Variants in ZNF761 observed in about 807,000 individuals in gnomAD.
ZNF761 encodes the protein zinc finger protein 761.
A neutral mutation model predicts 59.9 loss-of-function variants in ZNF761; 43 were observed. That is an observed-to-expected ratio of 0.72 (90% CI 0.56 to 0.92). ZNF761 has a LOEUF of 0.92. Among genes scored for constraint, ZNF761 ranks in the 40% least tolerant of loss-of-function variants. ZNF761 has a pLI of 0.00. For missense variants in ZNF761, 850 were observed against 906.1 expected, an observed-to-expected ratio of 0.94 and a Z score of 0.79; for synonymous variants, 294 against 304.8, an observed-to-expected ratio of 0.96 and a Z score of 0.37.
intron 1 of ZNF761, chr19:53,444,886 CTT>C (rs58041578): frequency 0.35 from 53,276 of 151,922 alleles, 10,980 homozygotes; most frequent in South Asian, 0.63. Flanking sequence ...TTCCAAGACT[CTT>C]TATATTATGT....
At chr19:53,450,039 T>C (rs558299531) in intron 4 of ZNF761, 27 of 423,456 alleles carry the variant, frequency 6.4e-5, no homozygotes, top group Admixed American at 1.6e-4. Flanking sequence ...GCTTGGTGGC[T>C]CACGCCTGTA....
rs1426760869 is a variant in ZNF761 at position 53,456,209 on chromosome 19, C to T, written c.1702C>T (p.His568Tyr). Residue 568 changes from histidine to tyrosine, a missense_variant, in exon 5 of 5, where the codon CAT becomes TAT. His to Tyr is a moderately conservative substitution (Grantham distance 83). Coordinates refer to ENST00000684525, the MANE Select transcript of ZNF761 (RefSeq NM_001289951.2). ...TFNQQLTLKR[H>Y]RRLHSGENPY... is the part of the protein sequence containing the mutation. ...CAATCAGCAGTTAACCCTTAAACGC[C>T]ATCGTAGACTTCATAGTGGAGAGAA... The T allele has an allele frequency of 1.2e-6, 2 of 1,613,854 alleles. No homozygotes were observed. Among genetic ancestry groups the T allele is most frequent in the Non-Finnish European group, 1.7e-6 (2 of 1,179,972 alleles).
chr19:53,444,827 T>A (rs757000614), intron 1 of ZNF761, among the ~76,000 whole-genome samples: 5 of 152,302 alleles, frequency 3.3e-5, no homozygotes, highest in Non-Finnish European at 5.9e-5. Flanking sequence ...GGCACAGAGC[T>A]GGGTGTTCCA....
intron 4 of ZNF761, among the ~76,000 whole-genome samples, chr19:53,453,636 G>A (rs1161686882): frequency 1.3e-5 from 2 of 152,186 alleles, no homozygotes; most frequent in Non-Finnish European, 2.9e-5. Context: ...AGGACTTTGA[G>A]AGGTTGAGGC....
intron 3 of ZNF761, among the ~76,000 whole-genome samples, 159 bp from the exon 4 acceptor site, chr19:53,449,351 AAC>A (rs1396567100): frequency 2.6e-5 from 4 of 152,064 alleles, no homozygotes; most frequent in South Asian, 2.1e-4. Flanking sequence ...ATTTTAGTAA[AAC>A]ACAACTGGGA....
Position 53,457,850 on chromosome 19 carries a change from T to C in ZNF761, c.*1102T>C, listed in dbSNP as rs1248600472. The C allele has an allele frequency of 6.5e-6, 1 of 153,584 alleles. No individual in the cohort carries two copies. Among genetic ancestry groups the C allele is most frequent in the African/African-American group, 2.4e-5 (1 of 41,464 alleles). The allele number at this position is 153,584 out of a possible 1,614,324, so 9.5% of individuals were successfully genotyped here. On this transcript the variant is annotated 3_prime_UTR_variant, in exon 5 of 5. Transcript: ENST00000684525. ...CTGTTTTTTGTTTCTTTAAAAAAAC[T>C]GATAGGGATTTTTATGGATATCATG...
chr19:53,439,132 A>G (rs1413760795), intron 1 of ZNF761, among the ~76,000 whole-genome samples: 1 of 152,002 alleles, frequency 6.6e-6, no homozygotes. Flanking sequence ...TTAGGCAGCC[A>G]TGGTGGCAGG....
intron 1 of ZNF761, chr19:53,442,241 A>T: frequency 1.6e-6 from 2 of 1,241,632 alleles, no homozygotes; most frequent in Non-Finnish European, 2.3e-6. Context: ...GGAAGTATGA[A>T]GAGGTGGCTC....
intron 1 of ZNF761, among the ~76,000 whole-genome samples, chr19:53,438,269 G>C (rs1470200635): frequency 6.6e-6 from 1 of 152,130 alleles, no homozygotes; most frequent in Non-Finnish European, 1.5e-5. Flanking sequence ...ATGTGGCACC[G>C]GGACAGTTAG....
At position 53,458,020 on chromosome 19, in the gene ZNF761, C is replaced by T. The variant is rs1320026982; in HGVS notation, c.*1272C>T. The T allele has an allele frequency of 1.3e-5, 2 of 152,398 alleles. No individual in the cohort carries two copies. The highest frequency in any genetic ancestry group is 1.9e-4 in the East Asian group (1 of 5,200). The allele number at this position is 152,398 out of a possible 1,614,324, so 9.4% of individuals were successfully genotyped here. Reference sequence around the variant, plus strand: ...AAGGTACAAACTTCTGACCTTTGTACGTTTATTTCTAAGTATTTCTTTAAG... The same window carrying T: ...AAGGTACAAACTTCTGACCTTTGTATGTTTATTTCTAAGTATTTCTTTAAG... On this transcript the variant is annotated 3_prime_UTR_variant, in exon 5 of 5. Transcript: ENST00000684525.
At chr19:53,451,777 C>T (rs1399850346) in intron 4 of ZNF761, among the ~76,000 whole-genome samples, 1 of 141,342 alleles carries the variant, frequency 7.1e-6, no homozygotes, top group South Asian at 2.2e-4. Flanking sequence ...TTTTTAGAAA[C>T]GGGGTTTCAC....
At chr19:53,449,338 A>T (rs2086194245) in intron 3 of ZNF761, among the ~76,000 whole-genome samples, 174 bp from the exon 4 acceptor site, 1 of 152,128 alleles carries the variant, frequency 6.6e-6, no homozygotes. Flanking sequence ...TCAAAAAAAA[A>T]AAATTTTAGT....
At chr19:53,440,346 G>A (rs1266769775) in intron 1 of ZNF761, among the ~76,000 whole-genome samples, 1 of 152,078 alleles carries the variant, frequency 6.6e-6, no homozygotes, top group Non-Finnish European at 1.5e-5. Context: ...TAAAAGGGGT[G>A]GGGGACTTTG....
At chr19:53,438,330 C>T (rs1188722735) in intron 1 of ZNF761, among the ~76,000 whole-genome samples, 1 of 152,224 alleles carries the variant, frequency 6.6e-6, no homozygotes, top group African/African-American at 2.4e-5. Flanking sequence ...AAGATGGTGG[C>T]AGCTAATGCC....
At chr19:53,439,270 CAAA>C (rs71185881) in intron 1 of ZNF761, among the ~76,000 whole-genome samples, 4 of 132,868 alleles carry the variant, frequency 3.0e-5, no homozygotes, top group Admixed American at 7.5e-5. Flanking sequence ...GACTCTGACT[CAAA>C]AAAAAAAAAA....
chr19:53,432,998 C>T (rs868129068), intron 1 of ZNF761, among the ~76,000 whole-genome samples: 40 of 149,370 alleles, frequency 2.7e-4, no homozygotes, highest in South Asian at 6.4e-4. Context: ...GGGAGAAGCA[C>T]AGCAGGGAGG....
chr19:53,445,742 T>G (rs1211073907), intron 1 of ZNF761, among the ~76,000 whole-genome samples: 1 of 151,962 alleles, frequency 6.6e-6, no homozygotes, highest in African/African-American at 2.4e-5. Flanking sequence ...AGGTGTAGAC[T>G]CAGACACAGA....
At chr19:53,449,335 A>G (rs1233788625) in intron 3 of ZNF761, among the ~76,000 whole-genome samples, 177 bp from the exon 4 acceptor site, 1 of 152,106 alleles carries the variant, frequency 6.6e-6, no homozygotes, top group African/African-American at 2.4e-5. Context: ...ACCTCAAAAA[A>G]AAAAAATTTT....
chr19:53,437,472 C>G (rs1443762339), intron 1 of ZNF761, among the ~76,000 whole-genome samples: 3 of 152,166 alleles, frequency 2.0e-5, no homozygotes, highest in South Asian at 2.1e-4. Context: ...TCTTTTCATA[C>G]ATTTTATATC....
Sources: allele counts gnomAD v4.1 joint callset (sites outside exome capture counted in the v4.1 genomes callset), GRCh38; gene constraint gnomAD v4.1.1; transcripts MANE v1.5; gene names NCBI Gene and HGNC (gene_info 2026-07-23, HGNC 2026-07-21).